TRIO: variants seen among roughly 807,000 people sequenced by gnomAD.
TRIO encodes triple functional domain protein.
A neutral mutation model predicts 351.9 loss-of-function variants in TRIO; 58 were observed. The ratio of observed to expected loss-of-function variants is 0.16; its 90% CI spans 0.13 to 0.21. The LOEUF (loss-of-function observed/expected upper bound fraction) is 0.21. Ranked by LOEUF, TRIO falls within the 10% of genes least tolerant of loss-of-function variation. The probability of loss-of-function intolerance (pLI) is 1.00; values close to 1 mark genes in which losing one functional copy is unlikely to be tolerated. For missense variants in TRIO, 3,201 were observed against 4,027.8 expected, an observed-to-expected ratio of 0.79 and a Z score of 5.56; for synonymous variants, 1,758 against 1,595.7, an observed-to-expected ratio of 1.10 and a Z score of -2.42.
chr5:14,288,411 G>A (rs1297763204), intron 4 of TRIO, among the ~76,000 whole-genome samples: 1 of 152,194 alleles, frequency 6.6e-6, no homozygotes, highest in Non-Finnish European at 1.5e-5. Flanking sequence ...GCTCACGCCT[G>A]TAATCCTAGC....
chr5:14,359,590 C>A, intron 13 of TRIO, 59 bp downstream of exon 13: 1 of 1,577,662 alleles, frequency 6.3e-7, no homozygotes, highest in South Asian at 1.2e-5. Flanking sequence ...TCCTCCACAG[C>A]ACCGGCGCCC....
At chr5:14,190,119 G>A (rs1316989930) in intron 1 of TRIO, among the ~76,000 whole-genome samples, 1 of 152,146 alleles carries the variant, frequency 6.6e-6, no homozygotes, top group Non-Finnish European at 1.5e-5. Context: ...TATAGAGATG[G>A]AAAGTTACAG....
At chr5:14,473,566 G>T (rs1478077185) in intron 39 of TRIO, among the ~76,000 whole-genome samples, 1 of 152,100 alleles carries the variant, frequency 6.6e-6, no homozygotes, top group African/African-American at 2.4e-5. Flanking sequence ...TTTATAAAAA[G>T]AATATTGTTA....
chr5:14,207,269 AC>A (rs1791520223), intron 1 of TRIO, among the ~76,000 whole-genome samples: 1 of 70,686 alleles, frequency 1.4e-5, no homozygotes, highest in South Asian at 5.4e-4. Flanking sequence ...CTCTACACAC[AC>A]ACACACACAC....
chr5:14,398,594 C>T (rs1747809158), intron 29 of TRIO, among the ~76,000 whole-genome samples: 1 of 152,062 alleles, frequency 6.6e-6, no homozygotes, highest in South Asian at 2.1e-4. Flanking sequence ...AACCAGATCT[C>T]AACTGTTGCA....
intron 11 of TRIO, among the ~76,000 whole-genome samples, chr5:14,339,008 G>T (rs1300318384): frequency 6.6e-6 from 1 of 152,156 alleles, no homozygotes; most frequent in Non-Finnish European, 1.5e-5. Context: ...CTCGGCAGTG[G>T]TTTTCAGAAA....
chr5:14,251,240 G>C (rs1794727341), intron 1 of TRIO, among the ~76,000 whole-genome samples: 1 of 152,154 alleles, frequency 6.6e-6, no homozygotes, highest in Admixed American at 6.5e-5. Context: ...AAGTGAAACT[G>C]TCTTGATTGT....
At chr5:14,294,157 G>A (rs1737146322) in intron 6 of TRIO, among the ~76,000 whole-genome samples, 1 of 152,144 alleles carries the variant, frequency 6.6e-6, no homozygotes, top group Non-Finnish European at 1.5e-5. Flanking sequence ...CTGCATTCCA[G>A]CTTGGGTGAC....
chr5:14,280,802 T>A (rs938385609), intron 3 of TRIO, among the ~76,000 whole-genome samples: 4 of 152,200 alleles, frequency 2.6e-5, no homozygotes, highest in African/African-American at 9.7e-5. Context: ...TTCTGCCTAC[T>A]TGGCAAACGT....
chr5:14,436,949 G>A (rs1284309224), intron 34 of TRIO, among the ~76,000 whole-genome samples: 3 of 152,316 alleles, frequency 2.0e-5, no homozygotes, highest in African/African-American at 7.2e-5. Context: ...CCATTCTGCG[G>A]GTCTGGAGGG....
intron 34 of TRIO, among the ~76,000 whole-genome samples, chr5:14,421,152 C>T (rs1302025396): frequency 6.6e-6 from 1 of 152,028 alleles, no homozygotes; most frequent in Admixed American, 6.5e-5. Flanking sequence ...CTGCTGTGAA[C>T]TTATGCCAGC....
rs1756981659 is a variant in TRIO at position 14,497,504 on chromosome 5, A to G, written c.8020-343A>G. On this transcript the variant is annotated intron_variant, in intron 50 of 56. Coordinates refer to ENST00000344204, the MANE Select transcript of TRIO (RefSeq NM_007118.4). The surrounding 1 kb of genome is among the most constrained non-coding windows in gnomAD (Gnocchi z 4.4). Reference sequence around the variant, plus strand: ...CACCTGCGGTGGGGGTTGCCTGGAGAAAAAGAAGGTATCTCCTGAAAGGGA... The same window carrying G: ...CACCTGCGGTGGGGGTTGCCTGGAGGAAAAGAAGGTATCTCCTGAAAGGGA... Among the ~76,000 whole-genome samples, 2 of 152,148 alleles carry G rather than the reference A, an allele frequency of 1.3e-5. No individual in the cohort carries two copies. Among genetic ancestry groups the G allele is most frequent in the African/African-American group, 4.8e-5 (2 of 41,426 alleles).
chr5:14,235,004 A>G (rs1793679004), intron 1 of TRIO, among the ~76,000 whole-genome samples: 2 of 152,190 alleles, frequency 1.3e-5, no homozygotes, highest in South Asian at 4.1e-4. Context: ...GCCCTAAATT[A>G]TAGTCCAGTA....
chr5:14,396,072 C>T (rs1380323332), intron 28 of TRIO, among the ~76,000 whole-genome samples: 4 of 138,834 alleles, frequency 2.9e-5, no homozygotes, highest in African/African-American at 1.1e-4. Flanking sequence ...AAAAAAGGAT[C>T]TTGGAGCCCA....
chr5:14,145,497 C>G (rs2401878), intron 1 of TRIO, among the ~76,000 whole-genome samples: 1 of 134,482 alleles, frequency 7.4e-6, no homozygotes, highest in Non-Finnish European at 1.6e-5. Context: ...AAGCTACCCC[C>G]CCCCACCTTT....
At chr5:14,149,194 C>T (rs1349009301) in intron 1 of TRIO, among the ~76,000 whole-genome samples, 1 of 152,196 alleles carries the variant, frequency 6.6e-6, no homozygotes, top group Non-Finnish European at 1.5e-5. Flanking sequence ...GCCCGCAGAA[C>T]AGGACTTCGC....
At chr5:14,357,876 A>G (rs1369913366) in intron 11 of TRIO, among the ~76,000 whole-genome samples, 1 of 152,082 alleles carries the variant, frequency 6.6e-6, no homozygotes, top group Non-Finnish European at 1.5e-5. Context: ...GGAGAATGGG[A>G]AAGAGCAGCT....
At chr5:14,163,130 G>A (rs1479477645) in intron 1 of TRIO, among the ~76,000 whole-genome samples, 1 of 152,188 alleles carries the variant, frequency 6.6e-6, no homozygotes, top group East Asian at 1.9e-4. Context: ...AGCCCTGCAT[G>A]CATTAGGTAT....
At chr5:14,308,857 G>A (rs1012565304) in intron 8 of TRIO, among the ~76,000 whole-genome samples, 11 of 149,540 alleles carry the variant, frequency 7.4e-5, no homozygotes, top group East Asian at 2.0e-4. Context: ...TCCATCTGCC[G>A]TATCACTAAA....
Sources: gnomAD v4.1 joint callset for allele counts (sites outside exome capture counted in the v4.1 genomes callset) on GRCh38, gnomAD v4.1.1 for gene constraint, Gnocchi (gnomAD v3.1) non-coding constraint, MANE v1.5 for transcripts, NCBI Gene and HGNC (gene_info 2026-07-23, HGNC 2026-07-21) for gene names.